The following ABTB2 variants were observed in gnomAD, a reference collection of about 807,000 sequenced individuals.
ABTB2 encodes the protein ankyrin repeat and BTB/POZ domain-containing protein 2.
In ABTB2, 56 loss-of-function variants were observed where a neutral mutation model predicts 104.1. The ratio of observed to expected loss-of-function variants is 0.54; its 90% CI spans 0.43 to 0.67. The LOEUF (loss-of-function observed/expected upper bound fraction) is 0.67. ABTB2 is among the 30% of genes least tolerant of loss of function. The pLI is 0.00. For synonymous variants in ABTB2, 606 were observed against 608.2 expected (o/e 1.00, Z 0.05); for missense variants, 1,279 against 1,407.7 (o/e 0.91, Z 1.46).
chr11:34,248,088 A>ATTT (rs377220875), intron 1 of ABTB2, among the ~76,000 whole-genome samples: 5 of 78,370 alleles, frequency 6.4e-5, no homozygotes, highest in Non-Finnish European at 1.2e-4. Context: ...CTTATCTATA[A>ATTT]TTTTTCTTAA....
intron 1 of ABTB2, among the ~76,000 whole-genome samples, chr11:34,286,618 C>T (rs535960217): frequency 6.6e-6 from 1 of 152,210 alleles, no homozygotes; most frequent in Non-Finnish European, 1.5e-5. Context: ...AAAGATCCCC[C>T]TTTCCATTCC....
intron 1 of ABTB2, among the ~76,000 whole-genome samples, chr11:34,308,859 A>C (rs1289885903): frequency 8.9e-6 from 1 of 112,100 alleles, no homozygotes; most frequent in Non-Finnish European, 1.8e-5. Flanking sequence ...CAATGAGAGG[A>C]AACTGTCTCA....
intron 14 of ABTB2, among the ~76,000 whole-genome samples, chr11:34,158,125 C>G (rs764258173): frequency 3.0e-4 from 45 of 152,310 alleles, no homozygotes; most frequent in Non-Finnish European, 8.8e-5. Context: ...TGCTTAAAAC[C>G]TTTTAGAGGC....
intron 1 of ABTB2, among the ~76,000 whole-genome samples, chr11:34,289,514 T>G (rs1326698707): frequency 6.6e-6 from 1 of 152,192 alleles, no homozygotes; most frequent in Non-Finnish European, 1.5e-5. Flanking sequence ...GCCAAGCAAT[T>G]TGCCTCCTAA....
chr11:34,204,640 C>T lies in ABTB2; in HGVS notation c.934G>A (p.Gly312Ser), dbSNP rs756127647. 2.0e-5 allele frequency: 32 copies of T among 1,612,064 alleles called. No individual in the cohort carries two copies. Among genetic ancestry groups the T allele is most frequent in the Non-Finnish European group, 2.5e-5 (30 of 1,179,380 alleles). The stretch of plus-strand genomic sequence containing the variant: ...TAGGCATCGGCTCGCTCGTCATGGC[C>T]CAGGGACCCGCCGTTGTAGGGGCTG... The part of the protein sequence containing the change: ...YFSPYNGGSL[G>S]HDERADAYAQ... The change falls in exon 2 of 17, where the codon GGC becomes AGC. Residue 312 changes from glycine to serine, a missense_variant. Physicochemically the swap from Gly to Ser is moderately conservative, Grantham distance 56 (BLOSUM62 0). Transcript: ENST00000435224.
Position 34,275,039 on chromosome 11 carries a change from G to A in ABTB2, c.884-70349C>T, listed in dbSNP as rs184536263. ...GTGGTAGTGACTCACCTGGGCTCCA[G>A]GCTGGCAAAGCTGCCTCGAGAGTCC... On this transcript the variant is annotated intron_variant, in intron 1 of 16. Transcript: ENST00000435224. 2.4e-3 allele frequency among the ~76,000 whole-genome samples: 358 copies of A among 152,294 alleles called. 1 individual carries two copies. Among genetic ancestry groups the A allele is most frequent in the African/African-American group, 7.9e-3 (329 of 41,558 alleles).
chr11:34,297,803 A>G (rs1470206751), intron 1 of ABTB2, among the ~76,000 whole-genome samples: 1 of 151,446 alleles, frequency 6.6e-6, no homozygotes, highest in African/African-American at 2.4e-5. Context: ...AAGGAAAGAA[A>G]AAGAAAAAAA....
chr11:34,240,492 GAGA>G (rs1590227108), intron 1 of ABTB2, among the ~76,000 whole-genome samples: 2 of 152,236 alleles, frequency 1.3e-5, no homozygotes, highest in African/African-American at 4.8e-5. Flanking sequence ...GCCAGAAGCA[GAGA>G]AGATCTCCTA....
rs548528849 is a variant in ABTB2 at position 34,210,055 on chromosome 11, G to C, written c.884-5365C>G. ...TCTTGCCAGTTGCCAACCGGGACGT[G>C]AGCTGAGTTTTAGCTTGCAGAGGCG... On this transcript the variant is annotated intron_variant, in intron 1 of 16. Transcript: ENST00000435224. Among the ~76,000 whole-genome samples the C allele has an allele frequency of 3.2e-3, 483 of 152,230 alleles. 3 individuals are homozygous for C. Among genetic ancestry groups the C allele is most frequent in the Middle Eastern group, 0.01 (3 of 294 alleles).
intron 1 of ABTB2, among the ~76,000 whole-genome samples, chr11:34,267,162 T>A (rs1302853092): frequency 6.6e-6 from 1 of 152,166 alleles, no homozygotes; most frequent in Non-Finnish European, 1.5e-5. Flanking sequence ...CAGCCATGTG[T>A]CACGACGGCC....
chr11:34,197,448 G>T lies in ABTB2; in HGVS notation c.1121C>A (p.Pro374Gln). The T allele has an allele frequency of 6.3e-7, 1 of 1,599,906 alleles. No homozygotes were observed. The highest frequency in any genetic ancestry group is 8.5e-7 in the Non-Finnish European group (1 of 1,172,010). The change falls in exon 3 of 17, where the codon CCA becomes CAA. Residue 374 changes from proline to glutamine, a missense_variant. Pro to Gln is a moderately conservative substitution (Grantham distance 76). Transcript: ENST00000435224. Reference sequence around the variant, plus strand: ...GTCGGGGGACCAAGTGATGGGCTGTGGCGGCTGGCGGGCCTGGCGGGCAGG... The same window carrying T: ...GTCGGGGGACCAAGTGATGGGCTGTTGCGGCTGGCGGGCCTGGCGGGCAGG... ...ASPARQARQP[P>Q]QPITWSPDAL...
chr11:34,234,578 T>C (rs1038764562), intron 1 of ABTB2, among the ~76,000 whole-genome samples: 9 of 152,332 alleles, frequency 5.9e-5, no homozygotes, highest in African/African-American at 2.2e-4. Context: ...TCCAGCATTG[T>C]GAGAACACCT....
chr11:34,356,673 T>C lies in ABTB2; in HGVS notation c.883+28A>G. 1 of 1,537,448 alleles carries C rather than the reference T, an allele frequency of 6.5e-7. No individual in the cohort carries two copies. Among genetic ancestry groups the C allele is most frequent in the Non-Finnish European group, 8.8e-7 (1 of 1,133,846 alleles). On this transcript the variant is annotated intron_variant, in intron 1 of 16. Transcript: ENST00000435224. This position sits in a 1 kb window ranked among gnomAD's most constrained non-coding sequence, Gnocchi z 4.6. ...AGGGCGGGATTTCTTGCCTACCCAG[T>C]CTGCCAGTCCGAGGCCCGCGCGCTT...
At chr11:34,350,466 C>T (rs898135608) in intron 1 of ABTB2, among the ~76,000 whole-genome samples, 1 of 152,220 alleles carries the variant, frequency 6.6e-6, no homozygotes, top group Non-Finnish European at 1.5e-5. Context: ...CTTATAAAGG[C>T]CCTCCCTGGG....
intron 1 of ABTB2, among the ~76,000 whole-genome samples, chr11:34,353,221 C>G (rs750181677): frequency 6.6e-6 from 1 of 152,262 alleles, no homozygotes; most frequent in East Asian, 1.9e-4. Context: ...CACCAATATC[C>G]TATCACTTAA....
At chr11:34,156,966 CTG>C (rs1288813426) in intron 14 of ABTB2, among the ~76,000 whole-genome samples, 2 of 152,206 alleles carry the variant, frequency 1.3e-5, no homozygotes, top group Admixed American at 1.3e-4. Context: ...ATGCCTCACA[CTG>C]TATCCGACAG....
At chr11:34,287,157 G>A (rs1209184262) in intron 1 of ABTB2, among the ~76,000 whole-genome samples, 1 of 150,122 alleles carries the variant, frequency 6.7e-6, no homozygotes, top group Non-Finnish European at 1.5e-5. Flanking sequence ...GACCAGCCTG[G>A]GCAACATAGT....
chr11:34,282,568 C>T (rs1392570071), intron 1 of ABTB2, among the ~76,000 whole-genome samples: 1 of 151,952 alleles, frequency 6.6e-6, no homozygotes, highest in Non-Finnish European at 1.5e-5. Flanking sequence ...ACTCTGTTGC[C>T]CAGGCTGGAG....
At chr11:34,328,001 T>C (rs1301531324) in intron 1 of ABTB2, among the ~76,000 whole-genome samples, 1 of 152,158 alleles carries the variant, frequency 6.6e-6, no homozygotes, top group African/African-American at 2.4e-5. Flanking sequence ...TAGCACAGTG[T>C]GTGAAAATAT....
Sources: gnomAD v4.1 joint callset for allele counts (sites outside exome capture counted in the v4.1 genomes callset) on GRCh38, gnomAD v4.1.1 for gene constraint, Gnocchi (gnomAD v3.1) non-coding constraint, MANE v1.5 for transcripts, NCBI Gene and HGNC (gene_info 2026-07-23, HGNC 2026-07-21) for gene names.